ST3GAL3: variants seen among roughly 807,000 people sequenced by gnomAD.
The protein encoded by ST3GAL3 is CMP-N-acetylneuraminate-beta-1,4-galactoside alpha-2,3-sialyltransferase.
In ST3GAL3, 21 loss-of-function variants were observed where a neutral mutation model predicts 50.1. The ratio of observed to expected loss-of-function variants is 0.42; its 90% CI spans 0.30 to 0.60. The LOEUF is 0.60. ST3GAL3 is among the 20% of genes least tolerant of loss of function. The pLI is 0.19. For synonymous variants in ST3GAL3, 183 were observed against 190.0 expected (o/e 0.96, Z 0.30); for missense variants, 353 against 489.4 (o/e 0.72, Z 2.63).
At chr1:43,793,578 T>G (rs1425350399) in intron 3 of ST3GAL3, among the ~76,000 whole-genome samples, 1 of 152,204 alleles carries the variant, frequency 6.6e-6, no homozygotes, top group Admixed American at 6.5e-5. Flanking sequence ...GAGCCCATCC[T>G]CTCTCCCTTA....
At chr1:43,834,596 C>G (rs1447677972) in intron 4 of ST3GAL3, among the ~76,000 whole-genome samples, 1 of 152,214 alleles carries the variant, frequency 6.6e-6, no homozygotes, top group Non-Finnish European at 1.5e-5. Context: ...CACTCTCCTG[C>G]TCTTTCAGCC....
rs76516582 is a variant in ST3GAL3, at chr1:43,824,363, T to TA, written c.209+9444dup. The stretch of plus-strand genomic sequence containing the variant: ...GATGGCCAGCTTCTCTTTAATGCCT[T>TA]AAAAAAAAAAAAAAGAGGAAAGGGG... On this transcript the variant is annotated intron_variant, in intron 4 of 11. Coordinates refer to ENST00000347631, the MANE Select transcript of ST3GAL3 (RefSeq NM_006279.5). Among the ~76,000 whole-genome samples, 1,029 of 139,242 alleles carry TA rather than the reference T, an allele frequency of 7.4e-3. 10 individuals carry two copies. Among genetic ancestry groups the TA allele is most frequent in the African/African-American group, 0.018 (666 of 37,944 alleles). 91.3% of individuals were successfully genotyped at this position (139,242 alleles called of 152,430 possible).
chr1:43,867,147 C>T (rs1381278673), intron 5 of ST3GAL3, among the ~76,000 whole-genome samples: 1 of 152,156 alleles, frequency 6.6e-6, no homozygotes, highest in African/African-American at 2.4e-5. Flanking sequence ...ATAAAGCCAT[C>T]AGATCTCGTG....
chr1:43,827,898 A>G (rs2063033330), intron 4 of ST3GAL3, among the ~76,000 whole-genome samples: 1 of 152,214 alleles, frequency 6.6e-6, no homozygotes, highest in Non-Finnish European at 1.5e-5. Flanking sequence ...TTTTTCGAAT[A>G]TCAACAACTT....
chr1:43,900,363 G>A (rs2078091231), intron 9 of ST3GAL3, among the ~76,000 whole-genome samples: 2 of 152,202 alleles, frequency 1.3e-5, no homozygotes, highest in Admixed American at 6.5e-5. Flanking sequence ...TCTACTGACT[G>A]TTCTAAGCAG....
chr1:43,900,501 C>T (rs943996769), intron 9 of ST3GAL3, among the ~76,000 whole-genome samples: 3 of 151,938 alleles, frequency 2.0e-5, no homozygotes, highest in South Asian at 2.1e-4. Flanking sequence ...CAGGGACATC[C>T]GTGAACTTGT....
intron 2 of ST3GAL3, among the ~76,000 whole-genome samples, chr1:43,765,768 T>C (rs1558201760): frequency 3.7e-5 from 5 of 134,920 alleles, no homozygotes; most frequent in African/African-American, 1.3e-4. Context: ...TGTGTGTGTG[T>C]GTGTGTGTGT....
chr1:43,712,660 G>C (rs976816005), intron 1 of ST3GAL3, among the ~76,000 whole-genome samples: 6 of 151,960 alleles, frequency 3.9e-5, no homozygotes, highest in African/African-American at 1.5e-4. Context: ...TATGAGTACT[G>C]GTTTTCTAGG....
chr1:43,873,613 C>A (rs1361238030), intron 5 of ST3GAL3, among the ~76,000 whole-genome samples: 1 of 151,958 alleles, frequency 6.6e-6, no homozygotes, highest in African/African-American at 2.4e-5. Context: ...GGCAGAACTC[C>A]ATCTCCACTA....
At chr1:43,866,896 C>A (rs868116982) in intron 5 of ST3GAL3, among the ~76,000 whole-genome samples, 4 of 152,168 alleles carry the variant, frequency 2.6e-5, no homozygotes, top group Admixed American at 1.3e-4. Context: ...CTTTGGGAGG[C>A]CGTGGTGGGT....
chr1:43,798,339 T>C (rs1026831335), intron 3 of ST3GAL3, among the ~76,000 whole-genome samples: 2 of 152,226 alleles, frequency 1.3e-5, no homozygotes, highest in Admixed American at 1.3e-4. Context: ...TCCTGTCTTG[T>C]TACCACTGAA....
At chr1:43,743,084 G>A (rs1459315831) in intron 2 of ST3GAL3, among the ~76,000 whole-genome samples, 5 of 24,914 alleles carry the variant, frequency 2.0e-4, no homozygotes, top group South Asian at 1.7e-3. Flanking sequence ...GCGAGACTCC[G>A]TCTCAAAAAA....
intron 5 of ST3GAL3, among the ~76,000 whole-genome samples, chr1:43,864,572 G>A (rs1396013990): frequency 6.6e-6 from 1 of 152,188 alleles, no homozygotes; most frequent in African/African-American, 2.4e-5. Flanking sequence ...ATGCTGAGAA[G>A]TTTGAACTTT....
Position 43,920,443 on chromosome 1 carries a change from G to C in ST3GAL3, c.784G>C (p.Val262Leu), listed in dbSNP as rs2082837614. The change falls in exon 10 of 12, where the codon GTG (valine) becomes CTG (leucine). Residue 262 changes from valine to leucine, a missense_variant. Physicochemically the swap from Val to Leu is conservative, Grantham distance 32. Coordinates refer to ENST00000347631, the MANE Select transcript of ST3GAL3 (RefSeq NM_006279.5). ...DGFWKSVATR[V>L]PKEPPEIRIL... ...CTTCTGGAAATCTGTGGCCACTCGA[G>C]TGCCCAAGGAGCCCCCTGAGATTCG... The C allele has an allele frequency of 6.2e-7, 1 of 1,614,046 alleles. No homozygotes were observed. Among genetic ancestry groups the C allele is most frequent in the Non-Finnish European group, 8.5e-7 (1 of 1,180,006 alleles).
At chr1:43,857,907 C>T (rs1347547286) in intron 5 of ST3GAL3, among the ~76,000 whole-genome samples, 22 of 152,096 alleles carry the variant, frequency 1.4e-4, no homozygotes, top group Admixed American at 1.2e-3. Flanking sequence ...TGAGCCACCA[C>T]GCCTGGCCTT....
intron 4 of ST3GAL3, among the ~76,000 whole-genome samples, chr1:43,818,014 T>C (rs2061631453): frequency 6.6e-6 from 1 of 152,054 alleles, no homozygotes; most frequent in South Asian, 2.1e-4. Context: ...GGATTACAGC[T>C]GTAAGCCACA....
At chr1:43,885,047 G>A (rs1031322350) in intron 5 of ST3GAL3, among the ~76,000 whole-genome samples, 2 of 152,234 alleles carry the variant, frequency 1.3e-5, no homozygotes, top group African/African-American at 4.8e-5. Flanking sequence ...ATGAGCCAGT[G>A]TTGAGGACAT....
At chr1:43,786,250 G>C (rs2057326342) in intron 2 of ST3GAL3, among the ~76,000 whole-genome samples, 1 of 152,112 alleles carries the variant, frequency 6.6e-6, no homozygotes, top group South Asian at 2.1e-4. Flanking sequence ...TTACTCCCGG[G>C]GTTTTAAGCA....
chr1:43,736,248 G>C lies in ST3GAL3; in HGVS notation c.-15G>C, dbSNP rs776919689. Reference sequence around the variant, plus strand: ...TCTTTTCTAGGTCATTTAGGAAATCGTAAATCATGTGAAGATGGGACTCTT... The same window carrying C: ...TCTTTTCTAGGTCATTTAGGAAATCCTAAATCATGTGAAGATGGGACTCTT... On this transcript the variant is annotated 5_prime_UTR_variant, in exon 2 of 12. Coordinates refer to ENST00000347631, the MANE Select transcript of ST3GAL3 (RefSeq NM_006279.5). The C allele has an allele frequency of 5.6e-6, 9 of 1,614,076 alleles. No homozygotes were observed. In the Admixed American group the frequency reaches 1.5e-4, roughly 27 times the overall value.
Sources: allele counts gnomAD v4.1 joint callset (sites outside exome capture counted in the v4.1 genomes callset), GRCh38; gene constraint gnomAD v4.1.1; transcripts MANE v1.5; gene names NCBI Gene and HGNC (gene_info 2026-07-23, HGNC 2026-07-21).